ITPK1: variants seen among roughly 807,000 people sequenced by gnomAD.
The protein encoded by ITPK1 is inositol-tetrakisphosphate 1-kinase.
A neutral mutation model predicts 45.3 loss-of-function variants in ITPK1; 21 were observed. The observed-to-expected ratio is 0.46, with a 90% CI of 0.33 to 0.67. The LOEUF is 0.67. Among genes scored for constraint, ITPK1 ranks in the 30% least tolerant of loss-of-function variants. The pLI is 0.02. For synonymous variants in ITPK1, 258 were observed against 253.6 expected (o/e 1.02, Z -0.16); for missense variants, 474 against 573.5 (o/e 0.83, Z 1.77).
intron 4 of ITPK1, among the ~76,000 whole-genome samples, chr14:93,002,604 G>C (rs1887408260): frequency 6.6e-6 from 1 of 152,208 alleles, no homozygotes; most frequent in Non-Finnish European, 1.5e-5. Context: ...GAGGCCACCA[G>C]CCTGACAGTC....
In ITPK1 at chr14:92,958,442, G is replaced by GTGTGT; in HGVS notation, c.505-77_505-76insACACA. 2 of 1,436,156 alleles carry GTGTGT rather than the reference G, an allele frequency of 1.4e-6. No homozygotes were observed. The highest frequency in any genetic ancestry group is 1.9e-6 in the Non-Finnish European group (2 of 1,032,486). The allele number at this position is 1,436,156 out of a possible 1,614,324, so 89.0% of individuals were successfully genotyped here. On this transcript the variant is annotated intron_variant, in intron 7 of 10. Coordinates refer to ENST00000267615, the MANE Select transcript of ITPK1 (RefSeq NM_014216.6). The surrounding 1 kb of genome is among the most constrained non-coding windows in gnomAD (Gnocchi z 4.4). ...CCTCCAACACACAGGTGTGTCACCT[G>GTGTGT]TCCAGAGCACCTCCACCAAGGCCCA...
At chr14:92,949,179 G>A (rs141122728) in intron 9 of ITPK1, among the ~76,000 whole-genome samples, 2,738 of 151,242 alleles carry the variant, frequency 0.018, 73 homozygotes, top group Admixed American at 0.08. Context: ...CCGCAGCCTC[G>A]ACCTTCCGGG....
intron 5 of ITPK1, among the ~76,000 whole-genome samples, chr14:92,974,893 CG>C (rs1169384220): frequency 1.3e-5 from 2 of 152,178 alleles, no homozygotes; most frequent in East Asian, 1.9e-4. Flanking sequence ...ACAGGAGGAG[CG>C]GGGGTGTGAG....
intron 10 of ITPK1, among the ~76,000 whole-genome samples, chr14:92,945,890 G>A (rs779759624): frequency 3.3e-5 from 5 of 152,204 alleles, no homozygotes; most frequent in Non-Finnish European, 7.4e-5. Context: ...GGCAACGTGA[G>A]CCTGGGAGTC....
At chr14:93,041,062 A>T (rs1234675510) in intron 3 of ITPK1, among the ~76,000 whole-genome samples, 1 of 152,178 alleles carries the variant, frequency 6.6e-6, no homozygotes, top group Non-Finnish European at 1.5e-5. Flanking sequence ...GGTCTCGTAT[A>T]TACGACAGCC....
intron 2 of ITPK1, among the ~76,000 whole-genome samples, chr14:93,085,357 C>A (rs1156494819): frequency 6.6e-6 from 1 of 152,134 alleles, no homozygotes; most frequent in African/African-American, 2.4e-5. Context: ...GAAGACCCTC[C>A]CCCCGACCGG....
chr14:93,058,393 G>GCGGGTTA (rs1890301842), intron 3 of ITPK1, among the ~76,000 whole-genome samples: 1 of 129,122 alleles, frequency 7.7e-6, no homozygotes, highest in African/African-American at 3.0e-5. Context: ...TGGAGGGGGT[G>GCGGGTTA]TAGGTCGCAA....
In ITPK1 at chr14:93,016,575, CAGAG is replaced by C; in HGVS notation, c.246+97_246+100del. The C allele has an allele frequency of 1.5e-6, 2 of 1,345,060 alleles. No homozygotes were observed. Among genetic ancestry groups the C allele is most frequent in the Admixed American group, 3.7e-5 (2 of 54,048 alleles). 83.3% of individuals were successfully genotyped at this position (1,345,060 alleles called of 1,614,324 possible). A position where few individuals can be genotyped will look rare whatever the true frequency, so the allele number is the denominator to read the frequency against. On this transcript the variant is annotated intron_variant, in intron 4 of 10. Transcript: ENST00000267615. The surrounding 1 kb of genome is among the most constrained non-coding windows in gnomAD (Gnocchi z 5.0). ...GAGCCATTTCTCCAGACTATACCTC[CAGAG>C]AGCTGCTACCGCCCTAAATACACAC...
chr14:93,049,843 G>A (rs1044527418), intron 3 of ITPK1, among the ~76,000 whole-genome samples: 2 of 152,010 alleles, frequency 1.3e-5, no homozygotes, highest in Non-Finnish European at 2.9e-5. Context: ...CAGAGGCACC[G>A]GGCTGGCAGC....
At chr14:93,054,819 G>A (rs1365484258) in intron 3 of ITPK1, among the ~76,000 whole-genome samples, 1 of 152,104 alleles carries the variant, frequency 6.6e-6, no homozygotes, top group East Asian at 1.9e-4. Context: ...TTCCCCTTCT[G>A]TTTCTTTCTT....
intron 3 of ITPK1, among the ~76,000 whole-genome samples, chr14:93,024,474 C>T (rs1211076626): frequency 6.6e-6 from 1 of 152,212 alleles, no homozygotes; most frequent in Non-Finnish European, 1.5e-5. Context: ...CATCGATTAC[C>T]TCCCTCTGTG....
At chr14:93,086,877 C>G (rs953939668) in intron 2 of ITPK1, among the ~76,000 whole-genome samples, 3 of 152,234 alleles carry the variant, frequency 2.0e-5, no homozygotes, top group Non-Finnish European at 4.4e-5. Flanking sequence ...CCACAAGGCA[C>G]CTTACTGGAG....
At chr14:93,071,975 T>C (rs1891023309) in intron 3 of ITPK1, 1 of 151,958 alleles carries the variant, frequency 6.6e-6, no homozygotes, top group South Asian at 2.1e-4. Flanking sequence ...TATTGCAAAA[T>C]TGTATAAGAA....
intron 3 of ITPK1, among the ~76,000 whole-genome samples, chr14:93,052,520 A>C (rs1269108767): frequency 6.6e-6 from 1 of 152,032 alleles, no homozygotes; most frequent in Non-Finnish European, 1.5e-5. Context: ...GGTTGTTCTT[A>C]CCCTGGGGGC....
chr14:92,982,363 G>A (rs1334197522), intron 5 of ITPK1, among the ~76,000 whole-genome samples: 1 of 152,166 alleles, frequency 6.6e-6, no homozygotes, highest in Admixed American at 6.5e-5. Flanking sequence ...CTTCTTCTCT[G>A]AAGAGGAAGC....
intron 7 of ITPK1, among the ~76,000 whole-genome samples, chr14:92,960,861 CAG>C (rs775002026): frequency 1.3e-5 from 2 of 152,246 alleles, no homozygotes; most frequent in African/African-American, 2.4e-5. Context: ...GCACCAGGCA[CAG>C]AGCCCAGGTA....
chr14:92,948,770 C>A (rs74519161), intron 9 of ITPK1, among the ~76,000 whole-genome samples: 3,025 of 144,434 alleles, frequency 0.021, 110 homozygotes, highest in African/African-American at 0.076. Context: ...GGGAGGGAAG[C>A]GCTGAGCAGG....
chr14:93,061,426 G>T (rs1464176453), intron 3 of ITPK1, among the ~76,000 whole-genome samples: 1 of 152,162 alleles, frequency 6.6e-6, no homozygotes, highest in East Asian at 1.9e-4. Flanking sequence ...TGCAAGGGGA[G>T]AAAAGTCCAT....
chr14:93,100,595 C>A (rs999109959), intron 2 of ITPK1, among the ~76,000 whole-genome samples: 1 of 151,644 alleles, frequency 6.6e-6, no homozygotes, highest in Non-Finnish European at 1.5e-5. Flanking sequence ...ACAGACCAGG[C>A]CCTATTGGAC....
Sources: gnomAD v4.1 joint callset for allele counts (sites outside exome capture counted in the v4.1 genomes callset) on GRCh38, gnomAD v4.1.1 for gene constraint, Gnocchi (gnomAD v3.1) non-coding constraint, MANE v1.5 for transcripts, NCBI Gene and HGNC (gene_info 2026-07-23, HGNC 2026-07-21) for gene names.